The following ANKS1B variants were observed in gnomAD, a reference collection of about 807,000 sequenced individuals.
ANKS1B encodes the protein ankyrin repeat and sterile alpha motif domain containing 1B.
In ANKS1B, 36 loss-of-function variants were observed where a neutral mutation model predicts 148.3. The ratio of observed to expected loss-of-function variants is 0.24; its 90% confidence interval spans 0.19 to 0.32. The LOEUF is 0.32. ANKS1B is among the 10% of genes least tolerant of loss of function. The probability of loss-of-function intolerance (pLI) is 1.00; values close to 1 mark genes in which losing one functional copy is unlikely to be tolerated. For missense variants in ANKS1B, 1,157 were observed against 1,542.6 expected (o/e 0.75, Z 4.19); for synonymous variants, 542 against 560.8 (o/e 0.97, Z 0.47).
chr12:98,996,812 CAAAAAAAAAAAAA>C (rs1160748107), intron 17 of ANKS1B, among the ~76,000 whole-genome samples: 10 of 40,638 alleles, frequency 2.5e-4, no homozygotes, highest in Admixed American at 8.6e-4. Context: ...GACTCTATCT[CAAAAAAAAAAAAA>C]AAAAAAAAAA....
intron 22 of ANKS1B, chr12:98,795,686 A>G (rs1385039524): frequency 2.2e-6 from 1 of 448,638 alleles, no homozygotes; most frequent in South Asian, 1.6e-5. Flanking sequence ...AAACAAAACA[A>G]AACAAAACAA....
intron 12 of ANKS1B, among the ~76,000 whole-genome samples, chr12:99,384,705 T>G (rs1000346937): frequency 2.7e-5 from 4 of 148,156 alleles, no homozygotes; most frequent in African/African-American, 4.9e-5. Flanking sequence ...TGATTAATAC[T>G]TCAAGTCACA....
chr12:99,018,126 G>A (rs565885856), intron 17 of ANKS1B, among the ~76,000 whole-genome samples: 2 of 152,274 alleles, frequency 1.3e-5, no homozygotes, highest in South Asian at 4.2e-4. Flanking sequence ...GCTATGGTCT[G>A]CATGTTTGTG....
chr12:98,859,519 T>C lies in ANKS1B; in HGVS notation c.2779-27383A>G, dbSNP rs371172343. ...GATTGAGTACATAAGCTGTGATTAATAATGATCAGAAGTAAATCTATGAAT... is the reference window on the plus strand; with the variant it reads ...GATTGAGTACATAAGCTGTGATTAACAATGATCAGAAGTAAATCTATGAAT... On this transcript the variant is annotated intron_variant, in intron 17 of 26. Transcript: ENST00000683438. 2.6e-5 allele frequency among the ~76,000 whole-genome samples: 4 copies of C among 152,342 alleles called. No individual in the cohort carries two copies. In the East Asian group the frequency reaches 5.8e-4, roughly 22 times the overall value.
At chr12:99,388,187 G>A (rs2093946394) in intron 12 of ANKS1B, among the ~76,000 whole-genome samples, 1 of 152,184 alleles carries the variant, frequency 6.6e-6, no homozygotes, top group Admixed American at 6.5e-5. Flanking sequence ...GTCAAGTCCT[G>A]GAGGTGGGAA....
chr12:99,633,313 G>A (rs1307388295), intron 9 of ANKS1B, among the ~76,000 whole-genome samples: 2 of 152,030 alleles, frequency 1.3e-5, no homozygotes, highest in Non-Finnish European at 2.9e-5. Flanking sequence ...ACAGAACAGA[G>A]CCCTCAGAAA....
At chr12:99,601,532 CA>C (rs1427774698) in intron 9 of ANKS1B, among the ~76,000 whole-genome samples, 1 of 151,944 alleles carries the variant, frequency 6.6e-6, no homozygotes, top group East Asian at 1.9e-4. Flanking sequence ...TGGCTTTACA[CA>C]AAAAATAATG....
At chr12:98,999,164 G>A (rs952418012) in intron 17 of ANKS1B, among the ~76,000 whole-genome samples, 3 of 152,220 alleles carry the variant, frequency 2.0e-5, no homozygotes, top group Non-Finnish European at 4.4e-5. Context: ...TGCAACTGGA[G>A]CTTTAAATTT....
At chr12:99,768,655 G>A (rs767301580) in intron 8 of ANKS1B, among the ~76,000 whole-genome samples, 1 of 151,732 alleles carries the variant, frequency 6.6e-6, no homozygotes, top group Non-Finnish European at 1.5e-5. Context: ...GTGAAACCCC[G>A]TGTCTACTAA....
intron 2 of ANKS1B, among the ~76,000 whole-genome samples, chr12:99,822,070 G>C (rs1223332044): frequency 6.6e-6 from 1 of 152,016 alleles, no homozygotes; most frequent in African/African-American, 2.4e-5. Context: ...AATAGTTTAT[G>C]TAACTCAAAT....
intron 24 of ANKS1B, among the ~76,000 whole-genome samples, chr12:98,774,832 C>T (rs906057577): frequency 3.9e-5 from 6 of 152,096 alleles, no homozygotes; most frequent in African/African-American, 9.7e-5. Context: ...CATTTTTCAC[C>T]GTGGCCTTTT....
intron 12 of ANKS1B, among the ~76,000 whole-genome samples, chr12:99,379,984 A>G (rs2093568573): frequency 6.6e-6 from 1 of 152,248 alleles, no homozygotes. Context: ...CAAAGAATAT[A>G]GTTAACTCCC....
chr12:99,090,988 C>T (rs2153645529), intron 15 of ANKS1B, among the ~76,000 whole-genome samples: 1 of 152,172 alleles, frequency 6.6e-6, no homozygotes, highest in East Asian at 1.9e-4. Flanking sequence ...AATCCCTCTA[C>T]CCTAATCCTC....
chr12:99,632,263 G>A (rs1485110847), intron 9 of ANKS1B, among the ~76,000 whole-genome samples: 6 of 152,100 alleles, frequency 3.9e-5, no homozygotes, highest in Admixed American at 6.5e-5. Flanking sequence ...AAGAGCTGTG[G>A]AGGCTTGGCA....
intron 14 of ANKS1B, among the ~76,000 whole-genome samples, chr12:99,229,926 G>T (rs987076042): frequency 6.6e-6 from 1 of 151,656 alleles, no homozygotes; most frequent in African/African-American, 2.4e-5. Context: ...CTATCCTCAA[G>T]ACACTTATAT....
At chr12:98,861,641 A>G (rs1239328283) in intron 17 of ANKS1B, among the ~76,000 whole-genome samples, 1 of 152,244 alleles carries the variant, frequency 6.6e-6, no homozygotes, top group Non-Finnish European at 1.5e-5. Flanking sequence ...TTAGAAAAGA[A>G]CTTAATTAGT....
chr12:98,773,213 C>T, intron 24 of ANKS1B, 34 bp from the exon 25 acceptor site: 1 of 1,572,448 alleles, frequency 6.4e-7, no homozygotes, highest in African/African-American at 1.4e-5. Context: ...CATTGTTTTC[C>T]TCTGCGAACC....
chr12:99,111,135 A>C (rs1193169233), intron 15 of ANKS1B, among the ~76,000 whole-genome samples: 1 of 152,162 alleles, frequency 6.6e-6, no homozygotes. Flanking sequence ...AACTCAGCAA[A>C]TTTTTACCAA....
intron 9 of ANKS1B, among the ~76,000 whole-genome samples, chr12:99,635,850 G>T (rs1160420783): frequency 6.6e-6 from 1 of 152,062 alleles, no homozygotes; most frequent in Non-Finnish European, 1.5e-5. Flanking sequence ...TTCGATAAAT[G>T]ATGCTAGGAC....
Sources: gnomAD v4.1 joint callset for allele counts (sites outside exome capture counted in the v4.1 genomes callset) on GRCh38, gnomAD v4.1.1 for gene constraint, MANE v1.5 for transcripts, NCBI Gene and HGNC (gene_info 2026-07-23, HGNC 2026-07-21) for gene names.